ABCA13: variants seen among roughly 807,000 people sequenced by gnomAD.
ABCA13 encodes ATP binding cassette subfamily A member 13.
Under a neutral mutation model 478.7 loss-of-function variants are expected in ABCA13, and 476 were observed. The ratio of observed to expected loss-of-function variants is 0.99; its 90% CI spans 0.92 to 1.07. The LOEUF is 1.07. Among genes scored for constraint, ABCA13 ranks in the 50% least tolerant of loss-of-function variants. ABCA13 has a pLI of 0.00. For missense variants in ABCA13, 6,060 were observed against 5,910.6 expected (o/e 1.03, Z -0.83); for synonymous variants, 2,252 against 2,158.9 (o/e 1.04, Z -1.20).
In ABCA13 at chr7:48,506,467, G is replaced by A. The variant is rs1831219518; in HGVS notation, c.13346+77G>A. 7 of 1,533,932 alleles carry A rather than the reference G, an allele frequency of 4.6e-6. No homozygotes were observed. In the Admixed American group the frequency reaches 1.2e-4, roughly 26 times the overall value. ...CTTTGTGTTACTTAGGGATGACTTT[G>A]GTCTCTCTTTTGCATTTGCCCCAAG... On this transcript the variant is annotated intron_variant, in intron 49 of 61. Coordinates refer to ENST00000435803, the MANE Select transcript of ABCA13 (RefSeq NM_152701.5).
At chr7:48,555,658 T>C (rs577494775) in intron 55 of ABCA13, among the ~76,000 whole-genome samples, 1 of 152,038 alleles carries the variant, frequency 6.6e-6, no homozygotes, top group South Asian at 2.1e-4. Context: ...GTATCAGTTG[T>C]AATTTCTCCT....
intron 54 of ABCA13, among the ~76,000 whole-genome samples, chr7:48,526,258 CTT>C (rs1563395166): frequency 6.6e-6 from 1 of 152,064 alleles, no homozygotes; most frequent in African/African-American, 2.4e-5. Flanking sequence ...CAGAGTAAAA[CTT>C]TTGATTCTGA....
At chr7:48,373,860 T>G (rs1159990365) in intron 33 of ABCA13, among the ~76,000 whole-genome samples, 1 of 152,244 alleles carries the variant, frequency 6.6e-6, no homozygotes, top group Non-Finnish European at 1.5e-5. Context: ...TAATGTAAGA[T>G]ATTTTTTTCA....
At chr7:48,363,814 A>G (rs1811255218) in intron 31 of ABCA13, among the ~76,000 whole-genome samples, 1 of 151,940 alleles carries the variant, frequency 6.6e-6, no homozygotes, top group Non-Finnish European at 1.5e-5. Flanking sequence ...TTACCATCTC[A>G]TTAACTCAAT....
At chr7:48,558,357 C>T (rs764949146) in intron 55 of ABCA13, among the ~76,000 whole-genome samples, 15 of 151,024 alleles carry the variant, frequency 9.9e-5, no homozygotes, top group African/African-American at 3.2e-4. Context: ...AGTGCAATGG[C>T]GCAATCTTGG....
At chr7:48,467,401 GA>G (rs1174187379) in intron 44 of ABCA13, among the ~76,000 whole-genome samples, 2 of 152,072 alleles carry the variant, frequency 1.3e-5, no homozygotes, top group Non-Finnish European at 2.9e-5. Context: ...TTTACTTTTA[GA>G]GAATCCTTGT....
At chr7:48,197,386 T>C (rs912953451) in intron 2 of ABCA13, among the ~76,000 whole-genome samples, 1 of 152,094 alleles carries the variant, frequency 6.6e-6, no homozygotes, top group Non-Finnish European at 1.5e-5. Flanking sequence ...GTCTGCTCCC[T>C]GGGGAGGTAG....
intron 58 of ABCA13, among the ~76,000 whole-genome samples, chr7:48,600,193 G>A (rs1211406965): frequency 6.6e-6 from 1 of 152,078 alleles, no homozygotes; most frequent in African/African-American, 2.4e-5. Flanking sequence ...CTAGCAGTAT[G>A]TTTTATCTTA....
At chr7:48,599,289 T>A (rs1363843212) in intron 58 of ABCA13, among the ~76,000 whole-genome samples, 3 of 152,100 alleles carry the variant, frequency 2.0e-5, no homozygotes, top group Non-Finnish European at 4.4e-5. Context: ...TTAATTTGGT[T>A]GTCATTAGAT....
At chr7:48,291,483 G>C (rs1798526827) in intron 20 of ABCA13, among the ~76,000 whole-genome samples, 1 of 152,120 alleles carries the variant, frequency 6.6e-6, no homozygotes, top group Admixed American at 6.5e-5. Flanking sequence ...AGCTGGGGAC[G>C]GGTTAGGTTT....
intron 14 of ABCA13, 118 bp downstream of exon 14, chr7:48,248,562 T>C (rs1792051943): frequency 8.1e-6 from 7 of 864,706 alleles, no homozygotes; most frequent in Non-Finnish European, 1.2e-5. Flanking sequence ...TAGAAAGAGG[T>C]TCAATTTATT....
intron 58 of ABCA13, among the ~76,000 whole-genome samples, chr7:48,599,100 C>G (rs1790600405): frequency 6.6e-6 from 1 of 151,098 alleles, no homozygotes; most frequent in Admixed American, 6.6e-5. Context: ...GTTTTGAAAA[C>G]AGTAAGTGTT....
intron 50 of ABCA13, among the ~76,000 whole-genome samples, chr7:48,509,119 G>A (rs1422489791): frequency 6.6e-6 from 1 of 152,148 alleles, no homozygotes; most frequent in Non-Finnish European, 1.5e-5. Context: ...GGGACTTGGA[G>A]GTCTGTGTTT....
Position 48,288,082 on chromosome 7 carries a change from T to C in ABCA13, c.8955+4T>C. 1 of 1,611,798 alleles carries C rather than the reference T, an allele frequency of 6.2e-7. No individual in the cohort carries two copies. The highest frequency in any genetic ancestry group is 1.7e-4 in the Middle Eastern group (1 of 6,058). ...TTTGGCGCAGGACCACTTCCAGGTT[T>C]GTCGTCTTTAATATTTCAGAGAATT... On this transcript the variant is annotated splice_donor_region_variant and intron_variant, in intron 20 of 61. Transcript: ENST00000435803.
chr7:48,452,300 C>A (rs1370781945), intron 42 of ABCA13, among the ~76,000 whole-genome samples: 1 of 152,134 alleles, frequency 6.6e-6, no homozygotes, highest in East Asian at 1.9e-4. Context: ...GAGGAGATGA[C>A]ATTCAGAGAG....
intron 55 of ABCA13, among the ~76,000 whole-genome samples, chr7:48,529,142 A>G (rs1171619771): frequency 6.6e-6 from 1 of 152,134 alleles, no homozygotes; most frequent in Non-Finnish European, 1.5e-5. Flanking sequence ...GATCAGGACT[A>G]ATGTTAATGA....
intron 55 of ABCA13, among the ~76,000 whole-genome samples, chr7:48,567,335 G>C (rs1475708993): frequency 3.9e-5 from 6 of 152,090 alleles, no homozygotes; most frequent in Non-Finnish European, 7.4e-5. Context: ...CAGTGCAGAG[G>C]CTGCAAGGGT....
chr7:48,403,152 T>C (rs1817827191), intron 38 of ABCA13, among the ~76,000 whole-genome samples: 1 of 152,232 alleles, frequency 6.6e-6, no homozygotes, highest in Non-Finnish European at 1.5e-5. Flanking sequence ...CTTACATTAA[T>C]AGCAAATGAT....
intron 42 of ABCA13, among the ~76,000 whole-genome samples, chr7:48,435,704 G>T (rs1427788851): frequency 6.6e-6 from 1 of 151,576 alleles, no homozygotes; most frequent in African/African-American, 2.4e-5. Context: ...TTTCTAGTTT[G>T]TTAAGTGTTT....
Sources: gnomAD v4.1 joint callset for allele counts (sites outside exome capture counted in the v4.1 genomes callset) on GRCh38, gnomAD v4.1.1 for gene constraint, MANE v1.5 for transcripts, NCBI Gene and HGNC (gene_info 2026-07-23, HGNC 2026-07-21) for gene names.